MIPOL1: variants seen among roughly 807,000 people sequenced by gnomAD.
MIPOL1 encodes the protein mirror-image polydactyly 1, also known as mirror-image polydactyly gene 1 protein.
MIPOL1 carries 57 observed loss-of-function variants against 60.9 expected under a neutral mutation model. The observed-to-expected ratio is 0.94, with a 90% CI of 0.76 to 1.17. The LOEUF is 1.17. Among genes scored for constraint, MIPOL1 ranks in the 50% most tolerant of loss-of-function variants. The probability of loss-of-function intolerance (pLI) is 0.00; values close to 1 mark genes in which losing one functional copy is unlikely to be tolerated. For missense variants in MIPOL1, 551 were observed against 511.6 expected, an observed-to-expected ratio of 1.08 and a Z score of -0.74; for synonymous variants, 179 against 168.8, an observed-to-expected ratio of 1.06 and a Z score of -0.47.
intron 10 of MIPOL1, among the ~76,000 whole-genome samples, chr14:37,407,180 A>G (rs2093602221): frequency 1.3e-5 from 2 of 152,216 alleles, no homozygotes; most frequent in African/African-American, 4.8e-5. Flanking sequence ...ATTGGACTAA[A>G]CAGTGTCACC....
At chr14:37,303,229 C>A (rs2086473623) in intron 7 of MIPOL1, among the ~76,000 whole-genome samples, 1 of 151,896 alleles carries the variant, frequency 6.6e-6, no homozygotes, top group South Asian at 2.1e-4. Context: ...GGCTAGACTA[C>A]TTGGCCAAAG....
intron 10 of MIPOL1, among the ~76,000 whole-genome samples, chr14:37,416,719 T>A (rs1266667977): frequency 6.6e-6 from 1 of 152,150 alleles, no homozygotes; most frequent in Non-Finnish European, 1.5e-5. Flanking sequence ...GTTACCTTGG[T>A]CAACAAGACT....
At chr14:37,504,250 G>C (rs1052551095) in intron 12 of MIPOL1, 1 of 152,156 alleles carries the variant, frequency 6.6e-6, no homozygotes, top group African/African-American at 2.4e-5. Context: ...TCGGCACCAA[G>C]CAGACCTAAT....
intron 7 of MIPOL1, among the ~76,000 whole-genome samples, chr14:37,294,013 C>T (rs2085359421): frequency 6.6e-6 from 1 of 152,200 alleles, no homozygotes; most frequent in East Asian, 1.9e-4. Context: ...ACTGCCTCCT[C>T]AAGTGGGTCC....
chr14:37,331,746 G>A (rs1034007347), intron 9 of MIPOL1, among the ~76,000 whole-genome samples: 35 of 152,046 alleles, frequency 2.3e-4, no homozygotes, highest in African/African-American at 7.5e-4. Flanking sequence ...TTTCCAGTTC[G>A]AGTATGCTTT....
At chr14:37,215,999 G>A (rs1453411363) in intron 1 of MIPOL1, among the ~76,000 whole-genome samples, 1 of 146,974 alleles carries the variant, frequency 6.8e-6, no homozygotes, top group Non-Finnish European at 1.5e-5. Context: ...GCAGGCAGAG[G>A]TTTCAGTAAG....
At chr14:37,487,668 G>A (rs1479283569) in intron 11 of MIPOL1, among the ~76,000 whole-genome samples, 1 of 152,152 alleles carries the variant, frequency 6.6e-6, no homozygotes, top group Non-Finnish European at 1.5e-5. Context: ...GTATTTCTGT[G>A]GGATCAGTGG....
chr14:37,511,968 T>A (rs191092725), intron 12 of MIPOL1, among the ~76,000 whole-genome samples: 198 of 152,314 alleles, frequency 1.3e-3, no homozygotes, highest in African/African-American at 4.6e-3. Context: ...TCAAGAACTT[T>A]CATGCTTTCC....
At chr14:37,386,038 GTCT>G (rs2093057666) in intron 10 of MIPOL1, among the ~76,000 whole-genome samples, 1 of 151,868 alleles carries the variant, frequency 6.6e-6, no homozygotes, top group South Asian at 2.1e-4. Context: ...GTTGATTTAT[GTCT>G]TCTTTAGTGG....
chr14:37,226,805 A>G (rs781779314), intron 1 of MIPOL1, among the ~76,000 whole-genome samples: 8 of 151,752 alleles, frequency 5.3e-5, no homozygotes, highest in Non-Finnish European at 1.0e-4. Flanking sequence ...TCCTATTTCA[A>G]AAAAAAAGGG....
chr14:37,268,877 A>G (rs553492978), intron 5 of MIPOL1, 84 bp downstream of exon 5: 97 of 1,160,076 alleles, frequency 8.4e-5, no homozygotes, highest in Non-Finnish European at 7.1e-6. Flanking sequence ...ATCATAATTC[A>G]GTTTTATTTT....
chr14:37,252,719 A>G (rs540461181), intron 3 of MIPOL1, among the ~76,000 whole-genome samples: 1 of 152,014 alleles, frequency 6.6e-6, no homozygotes, highest in South Asian at 2.1e-4. Flanking sequence ...TCTGTCTGCA[A>G]TTCTGTAATT....
At chr14:37,542,203 G>A (rs535893086) in intron 12 of MIPOL1, among the ~76,000 whole-genome samples, 11 of 152,084 alleles carry the variant, frequency 7.2e-5, no homozygotes, top group Non-Finnish European at 1.5e-4. Flanking sequence ...CTCACTTCTT[G>A]GAGTTCTCAT....
chr14:37,477,331 A>G (rs917337410), intron 11 of MIPOL1, among the ~76,000 whole-genome samples: 2 of 152,074 alleles, frequency 1.3e-5, no homozygotes, highest in African/African-American at 4.8e-5. Flanking sequence ...ATTGAGTAGA[A>G]TTCACCAGTG....
intron 7 of MIPOL1, among the ~76,000 whole-genome samples, chr14:37,293,996 CGGGCAGACT>C (rs1218865624): frequency 1.3e-5 from 2 of 152,168 alleles, no homozygotes; most frequent in African/African-American, 4.8e-5. Flanking sequence ...GATCTGAGAA[CGGGCAGACT>C]GCCTCCTCAA....
intron 11 of MIPOL1, among the ~76,000 whole-genome samples, chr14:37,430,723 C>T (rs978322808): frequency 3.9e-5 from 6 of 152,118 alleles, no homozygotes; most frequent in African/African-American, 1.4e-4. Flanking sequence ...AACTGTGAAG[C>T]ACTGTGCAAA....
chr14:37,215,197 G>T (rs547875468), intron 1 of MIPOL1, among the ~76,000 whole-genome samples: 1 of 152,100 alleles, frequency 6.6e-6, no homozygotes. Flanking sequence ...CAATGGACAC[G>T]TGACCAATGT....
intron 9 of MIPOL1, among the ~76,000 whole-genome samples, chr14:37,361,266 A>G (rs968662112): frequency 3.3e-5 from 5 of 152,182 alleles, no homozygotes; most frequent in Non-Finnish European, 7.3e-5. Flanking sequence ...AATAAGTGCA[A>G]TGTGGTACTG....
chr14:37,528,918 C>A (rs926160405), intron 12 of MIPOL1, among the ~76,000 whole-genome samples: 2 of 152,150 alleles, frequency 1.3e-5, no homozygotes, highest in African/African-American at 4.8e-5. Context: ...AATAGTCAGT[C>A]ATCCTCTGTC....
Sources: allele counts gnomAD v4.1 joint callset (sites outside exome capture counted in the v4.1 genomes callset), GRCh38; gene constraint gnomAD v4.1.1; transcripts MANE v1.5; gene names NCBI Gene and HGNC (gene_info 2026-07-23, HGNC 2026-07-21).